CEP112: variants seen among roughly 807,000 people sequenced by gnomAD.
The protein encoded by CEP112 is centrosomal protein 112.
In CEP112, 127 loss-of-function variants were observed where a neutral mutation model predicts 153.0. The ratio of observed to expected loss-of-function variants is 0.83; its 90% confidence interval spans 0.72 to 0.96. CEP112 has a LOEUF of 0.96. CEP112 is among the 40% of genes least tolerant of loss of function. The pLI is 0.00. For missense variants in CEP112, 1,089 were observed against 1,101.2 expected (o/e 0.99, Z 0.16); for synonymous variants, 358 against 374.4 (o/e 0.96, Z 0.51).
chr17:66,161,601 G>A (rs560832085), intron 4 of CEP112, among the ~76,000 whole-genome samples: 87 of 152,124 alleles, frequency 5.7e-4, no homozygotes, highest in Admixed American at 3.1e-3. Context: ...ACCAAACACC[G>A]CATGTTCTCA....
chr17:66,174,923 G>A (rs2072405789), intron 4 of CEP112, 121 bp downstream of exon 4: 1 of 533,066 alleles, frequency 1.9e-6, no homozygotes. Context: ...TCTTGAATGT[G>A]CAGTTAAGGG....
chr17:65,813,253 T>C (rs1011522913), intron 21 of CEP112, among the ~76,000 whole-genome samples: 1 of 152,050 alleles, frequency 6.6e-6, no homozygotes, highest in Non-Finnish European at 1.5e-5. Flanking sequence ...AAGTGATCAA[T>C]AAGAGCTGAA....
intron 23 of CEP112, among the ~76,000 whole-genome samples, chr17:65,734,211 G>A (rs1041201748): frequency 2.2e-4 from 34 of 152,310 alleles, no homozygotes; most frequent in Middle Eastern, 3.4e-3. Context: ...CTGATGCTTC[G>A]CAGAAAAGAT....
chr17:65,729,927 AC>A (rs1687625047), intron 23 of CEP112, among the ~76,000 whole-genome samples: 1 of 150,884 alleles, frequency 6.6e-6, no homozygotes, highest in Admixed American at 6.6e-5. Context: ...AAACAAACAA[AC>A]AAACAAACAA....
intron 20 of CEP112, among the ~76,000 whole-genome samples, chr17:65,886,251 T>C (rs1048845628): frequency 2.0e-5 from 3 of 152,166 alleles, no homozygotes; most frequent in Non-Finnish European, 4.4e-5. Context: ...ATAATATTTT[T>C]TAATGGTAGT....
Position 65,787,534 on chromosome 17 carries a change from T to C in CEP112, c.2395-36810A>G, listed in dbSNP as rs1476757694. Among the ~76,000 whole-genome samples, 4 of 152,206 alleles carry C rather than the reference T, an allele frequency of 2.6e-5. No individual in the cohort carries two copies. The East Asian group carries it at 7.7e-4, about 29-fold the overall frequency. ...AATCCAAGGAATTGCATTAAATCTA[T>C]AGGTCAAATTGAGGACAATTGACAT... is the stretch of plus-strand genomic sequence containing the variant. On this transcript the variant is annotated intron_variant, in intron 21 of 26. Coordinates refer to ENST00000535342, the MANE Select transcript of CEP112 (RefSeq NM_001199165.4).
At chr17:65,761,881 T>C (rs888498161) in intron 21 of CEP112, among the ~76,000 whole-genome samples, 5 of 152,132 alleles carry the variant, frequency 3.3e-5, no homozygotes, top group African/African-American at 1.2e-4. Flanking sequence ...TTGGATGAAG[T>C]AGTCCAAGAT....
chr17:66,061,956 T>TC (rs1277576518), intron 11 of CEP112, among the ~76,000 whole-genome samples: 3 of 152,092 alleles, frequency 2.0e-5, no homozygotes, highest in Admixed American at 6.6e-5. Context: ...TGGGGTCAGT[T>TC]CCCCCAAGCT....
At chr17:65,876,785 C>T (rs944294147) in intron 20 of CEP112, among the ~76,000 whole-genome samples, 3 of 151,898 alleles carry the variant, frequency 2.0e-5, no homozygotes, top group African/African-American at 7.3e-5. Context: ...TTCTTGATAT[C>T]AATTTTGGCT....
At chr17:65,641,386 G>A (rs1442433100) in intron 24 of CEP112, among the ~76,000 whole-genome samples, 1 of 152,164 alleles carries the variant, frequency 6.6e-6, no homozygotes, top group African/African-American at 2.4e-5. Flanking sequence ...TGCTAGCCCT[G>A]CAGCCTCTCC....
intron 20 of CEP112, among the ~76,000 whole-genome samples, chr17:65,880,945 G>A (rs1568162306): frequency 6.6e-6 from 1 of 152,138 alleles, no homozygotes; most frequent in South Asian, 2.1e-4. Context: ...GGCCAGGTGT[G>A]GTGGCTCATA....
chr17:66,119,936 G>A (rs1299553019), intron 6 of CEP112, among the ~76,000 whole-genome samples: 1 of 152,106 alleles, frequency 6.6e-6, no homozygotes. Flanking sequence ...GTGTGTAGTG[G>A]TATCTCATCA....
At chr17:65,787,399 C>T (rs993764165) in intron 21 of CEP112, among the ~76,000 whole-genome samples, 3 of 152,200 alleles carry the variant, frequency 2.0e-5, no homozygotes, top group African/African-American at 7.2e-5. Context: ...GGGAAGATCA[C>T]TTAAGCCCAG....
intron 17 of CEP112, among the ~76,000 whole-genome samples, chr17:65,968,622 T>G (rs2062502284): frequency 6.6e-6 from 1 of 152,234 alleles, no homozygotes; most frequent in African/African-American, 2.4e-5. Context: ...AACATTTGAA[T>G]GTCTACCCTG....
At chr17:65,853,897 A>G (rs1450229854) in intron 20 of CEP112, among the ~76,000 whole-genome samples, 1 of 152,198 alleles carries the variant, frequency 6.6e-6, no homozygotes, top group Non-Finnish European at 1.5e-5. Flanking sequence ...GCAAATTTTG[A>G]GAATGTTTGA....
intron 12 of CEP112, among the ~76,000 whole-genome samples, chr17:66,044,471 T>C (rs1218892868): frequency 6.6e-6 from 1 of 152,184 alleles, no homozygotes; most frequent in African/African-American, 2.4e-5. Context: ...GCAACTCAAC[T>C]GTCCATCTGC....
chr17:65,894,283 A>C (rs537764684), intron 20 of CEP112, among the ~76,000 whole-genome samples: 1 of 152,200 alleles, frequency 6.6e-6, no homozygotes, highest in Admixed American at 6.6e-5. Context: ...AATTCATCTT[A>C]AAAGTCTTTA....
chr17:65,755,307 G>A (rs1296534722), intron 21 of CEP112, among the ~76,000 whole-genome samples: 1 of 149,044 alleles, frequency 6.7e-6, no homozygotes, highest in Non-Finnish European at 1.5e-5. Context: ...GAGGTGGAGA[G>A]GTAATACACA....
intron 12 of CEP112, among the ~76,000 whole-genome samples, chr17:66,030,865 C>T (rs2065433676): frequency 6.6e-6 from 1 of 152,124 alleles, no homozygotes; most frequent in Non-Finnish European, 1.5e-5. Flanking sequence ...TTGCACTCAA[C>T]TATTGTGTTA....
Sources: gnomAD v4.1 joint callset for allele counts (sites outside exome capture counted in the v4.1 genomes callset) on GRCh38, gnomAD v4.1.1 for gene constraint, MANE v1.5 for transcripts, NCBI Gene and HGNC (gene_info 2026-07-23, HGNC 2026-07-21) for gene names.